MYT1L: variants seen among roughly 807,000 people sequenced by gnomAD.
MYT1L encodes myelin transcription factor 1 like.
MYT1L carries 12 observed loss-of-function variants against 126.7 expected under a neutral mutation model. That is an observed-to-expected ratio of 0.09 (90% confidence interval 0.06 to 0.15). The LOEUF (loss-of-function observed/expected upper bound fraction) is 0.15, where lower values mean the gene tolerates loss of function less well. MYT1L is among the 10% of genes least tolerant of loss of function. MYT1L has a pLI of 1.00. For synonymous variants in MYT1L, 541 were observed against 604.2 expected (o/e 0.90, Z 1.53); for missense variants, 979 against 1,585.2 (o/e 0.62, Z 6.49).
At chr2:2,180,399 A>C (rs955345736) in intron 2 of MYT1L, among the ~76,000 whole-genome samples, 1 of 151,822 alleles carries the variant, frequency 6.6e-6, no homozygotes, top group African/African-American at 2.4e-5. Context: ...TCAGGAAAGA[A>C]GACGAGAGAG....
intron 18 of MYT1L, among the ~76,000 whole-genome samples, chr2:1,874,095 G>A (rs934460294): frequency 4.6e-5 from 7 of 152,070 alleles, no homozygotes; most frequent in African/African-American, 1.2e-4. Context: ...AGGGGTTTGC[G>A]TGCCGGCCTG....
At chr2:1,966,815 G>A (rs183280791) in intron 8 of MYT1L, among the ~76,000 whole-genome samples, 4 of 151,224 alleles carry the variant, frequency 2.6e-5, no homozygotes, top group African/African-American at 7.3e-5. Context: ...AATTTACATC[G>A]ATCATATGAG....
chr2:1,977,645 CT>C (rs1436219661), intron 8 of MYT1L, among the ~76,000 whole-genome samples: 2 of 152,104 alleles, frequency 1.3e-5, no homozygotes, highest in Non-Finnish European at 2.9e-5. Context: ...CATGTACCCC[CT>C]AAGTATATAC....
rs952771044 is a variant in MYT1L at position 2,284,419 on chromosome 2, C to T, written c.-436G>A. 2 of 152,448 alleles carry T rather than the reference C, an allele frequency of 1.3e-5. No homozygotes were observed. Among genetic ancestry groups the T allele is most frequent in the Admixed American group, 1.3e-4 (2 of 15,294 alleles). The allele number at this position is 152,448 out of a possible 1,614,324, so 9.4% of individuals were successfully genotyped here. A position where few individuals can be genotyped will look rare whatever the true frequency, so the allele number is the denominator to read the frequency against. ...ATTCACATACCACACGCTGTGATCCCTCAAATGTCAACGTGGATTGGACAA... is the reference window on the plus strand; with the variant it reads ...ATTCACATACCACACGCTGTGATCCTTCAAATGTCAACGTGGATTGGACAA... On this transcript the variant is annotated 5_prime_UTR_variant, in exon 2 of 25. Transcript: ENST00000647738.
chr2:2,206,322 T>G (rs2093321110), intron 2 of MYT1L, among the ~76,000 whole-genome samples: 1 of 152,196 alleles, frequency 6.6e-6, no homozygotes, highest in Admixed American at 6.6e-5. Context: ...ATTTGTACCA[T>G]TCACCTTTTT....
At chr2:2,097,674 G>A (rs909676654) in intron 3 of MYT1L, among the ~76,000 whole-genome samples, 1 of 152,154 alleles carries the variant, frequency 6.6e-6, no homozygotes, top group African/African-American at 2.4e-5. Flanking sequence ...AGTTCACAGC[G>A]ATCGAGAGGA....
intron 1 of MYT1L, among the ~76,000 whole-genome samples, chr2:2,311,598 G>A (rs1014500891): frequency 3.3e-5 from 5 of 152,170 alleles, no homozygotes; most frequent in South Asian, 2.1e-4. Context: ...GTTGGCCTCC[G>A]TGTGAACAGG....
At chr2:1,956,456 TC>T (rs2058425075) in intron 8 of MYT1L, among the ~76,000 whole-genome samples, 2 of 144,328 alleles carry the variant, frequency 1.4e-5, no homozygotes, top group African/African-American at 5.1e-5. Context: ...CATCTATCTA[TC>T]CTATTCTATA....
intron 10 of MYT1L, among the ~76,000 whole-genome samples, chr2:1,919,701 C>T (rs1294744106): frequency 1.3e-5 from 2 of 152,218 alleles, no homozygotes; most frequent in South Asian, 2.1e-4. Flanking sequence ...GATAGTACCA[C>T]AATTTTAGTT....
At chr2:2,058,416 T>C (rs2069910684) in intron 3 of MYT1L, among the ~76,000 whole-genome samples, 1 of 152,252 alleles carries the variant, frequency 6.6e-6, no homozygotes, top group African/African-American at 2.4e-5. Context: ...GCAAAAGTTT[T>C]AATTTTAGTG....
At chr2:2,141,705 T>C (rs558531783) in intron 3 of MYT1L, among the ~76,000 whole-genome samples, 41 of 152,276 alleles carry the variant, frequency 2.7e-4, no homozygotes, top group Admixed American at 1.4e-3. Context: ...GAGGATGTGT[T>C]TGGATTTTAC....
chr2:2,040,451 C>T (rs2150008801), intron 4 of MYT1L, among the ~76,000 whole-genome samples: 1 of 152,316 alleles, frequency 6.6e-6, no homozygotes, highest in Non-Finnish European at 1.5e-5. Flanking sequence ...GTGTGAGGCT[C>T]TGGTGCAGGC....
intron 9 of MYT1L, among the ~76,000 whole-genome samples, chr2:1,934,177 T>C (rs913336882): frequency 1.3e-4 from 19 of 151,526 alleles, no homozygotes; most frequent in Middle Eastern, 3.4e-3. Flanking sequence ...GGTTTCATCG[T>C]GTTAGCCAGG....
intron 23 of MYT1L, among the ~76,000 whole-genome samples, chr2:1,794,924 G>A (rs2033114404): frequency 6.6e-6 from 1 of 152,218 alleles, no homozygotes. Flanking sequence ...CAGGCTGCTT[G>A]GTGAGCCCCG....
At chr2:2,091,504 C>A (rs550042567) in intron 3 of MYT1L, among the ~76,000 whole-genome samples, 1 of 152,270 alleles carries the variant, frequency 6.6e-6, no homozygotes, top group Non-Finnish European at 1.5e-5. Flanking sequence ...TTTAGCATAA[C>A]AATTAAGGGC....
intron 18 of MYT1L, among the ~76,000 whole-genome samples, chr2:1,864,877 A>G (rs942050669): frequency 1.2e-4 from 19 of 152,108 alleles, no homozygotes; most frequent in Non-Finnish European, 2.9e-5. Context: ...CTGCTGCCAG[A>G]GGGGTTGGCC....
chr2:2,273,075 A>C (rs893507034), intron 2 of MYT1L, among the ~76,000 whole-genome samples: 1 of 152,044 alleles, frequency 6.6e-6, no homozygotes, highest in Non-Finnish European at 1.5e-5. Context: ...CTCTCACGGA[A>C]TCCAAAGCCT....
At chr2:2,071,645 G>T (rs2074614243) in intron 3 of MYT1L, among the ~76,000 whole-genome samples, 1 of 152,212 alleles carries the variant, frequency 6.6e-6, no homozygotes, top group South Asian at 2.1e-4. Flanking sequence ...AAATAAACTG[G>T]TGGGAAGAAA....
Position 1,956,507 on chromosome 2 carries a change from TTCTATCTATCTATCTATCTATCTA to T in MYT1L, c.153-13197_153-13174del, listed in dbSNP as rs201077164. ...TATGTGTCCTATTCTATATTTCCTA[TTCTATCTATCTATCTATCTATCTA>T]TCTATCTATCTATCTATCATCTATC... On this transcript the variant is annotated intron_variant, in intron 8 of 24. Transcript: ENST00000647738. Among the ~76,000 whole-genome samples the T allele has an allele frequency of 3.8e-3, 430 of 111,824 alleles. 3 individuals are homozygous for T. Among genetic ancestry groups the T allele is most frequent in the Middle Eastern group, 0.013 (2 of 158 alleles). 73.4% of individuals were successfully genotyped at this position (111,824 alleles called of 152,430 possible).
Sources: gnomAD v4.1 joint callset for allele counts (sites outside exome capture counted in the v4.1 genomes callset) on GRCh38, gnomAD v4.1.1 for gene constraint, MANE v1.5 for transcripts, NCBI Gene and HGNC (gene_info 2026-07-23, HGNC 2026-07-21) for gene names.